ZBTB20: variants seen among roughly 807,000 people sequenced by gnomAD.
ZBTB20 encodes the protein zinc finger and BTB domain containing 20.
ZBTB20 carries 9 observed loss-of-function variants against 56.9 expected under a neutral mutation model. That is an observed-to-expected ratio of 0.16 (90% CI 0.10 to 0.28). The LOEUF is 0.28. Among genes scored for constraint, ZBTB20 ranks in the 10% least tolerant of loss-of-function variants. The probability of loss-of-function intolerance (pLI) is 1.00; values close to 1 mark genes in which losing one functional copy is unlikely to be tolerated. For missense variants in ZBTB20, 655 were observed against 1,003.0 expected, an observed-to-expected ratio of 0.65 and a Z score of 4.69; for synonymous variants, 417 against 420.7, an observed-to-expected ratio of 0.99 and a Z score of 0.11.
intron 8 of ZBTB20, among the ~76,000 whole-genome samples, chr3:114,385,223 G>A (rs781191330): frequency 7.2e-5 from 11 of 152,188 alleles, no homozygotes; most frequent in East Asian, 3.9e-4. Context: ...TACTGGAGTC[G>A]TAACAATTTC....
chr3:115,085,063 A>T (rs1312201894), intron 1 of ZBTB20, among the ~76,000 whole-genome samples: 1 of 152,008 alleles, frequency 6.6e-6, no homozygotes, highest in Non-Finnish European at 1.5e-5. Context: ...TTTCCAAAAA[A>T]AGATATTCAT....
chr3:114,516,846 C>T (rs1479997108), intron 6 of ZBTB20, among the ~76,000 whole-genome samples: 3 of 152,170 alleles, frequency 2.0e-5, no homozygotes, highest in East Asian at 1.9e-4. Flanking sequence ...AACTCACAGC[C>T]TTAGAAGGAG....
chr3:114,393,724 C>T (rs934955037), intron 7 of ZBTB20, among the ~76,000 whole-genome samples: 6 of 152,274 alleles, frequency 3.9e-5, no homozygotes, highest in African/African-American at 1.4e-4. Context: ...TTTTGAGGGG[C>T]TGCTGATGCC....
At chr3:115,081,661 C>G (rs1182734019) in intron 1 of ZBTB20, among the ~76,000 whole-genome samples, 1 of 152,100 alleles carries the variant, frequency 6.6e-6, no homozygotes, top group African/African-American at 2.4e-5. Flanking sequence ...TGGTGTCCAG[C>G]TGGATTTAAG....
At chr3:115,040,801 T>C (rs1485970709) in intron 2 of ZBTB20, among the ~76,000 whole-genome samples, 1 of 152,150 alleles carries the variant, frequency 6.6e-6, no homozygotes, top group African/African-American at 2.4e-5. Flanking sequence ...AATACTAGTT[T>C]TTGCCTTGAA....
At chr3:114,374,422 T>C (rs1243232243) in intron 10 of ZBTB20, among the ~76,000 whole-genome samples, 19 of 152,232 alleles carry the variant, frequency 1.2e-4, no homozygotes, top group Admixed American at 1.2e-3. Context: ...GGATAGTAAC[T>C]GTCTGTGGTT....
At chr3:114,729,665 A>G (rs1186519321) in intron 5 of ZBTB20, among the ~76,000 whole-genome samples, 1 of 152,200 alleles carries the variant, frequency 6.6e-6, no homozygotes, top group Admixed American at 6.5e-5. Flanking sequence ...TTAGTGCAAT[A>G]ATATTAAATT....
chr3:115,013,926 G>T (rs2079832319), intron 2 of ZBTB20, among the ~76,000 whole-genome samples: 1 of 151,514 alleles, frequency 6.6e-6, no homozygotes, highest in African/African-American at 2.4e-5. Flanking sequence ...GTGTGTGTGT[G>T]TGTGTGTACA....
intron 7 of ZBTB20, among the ~76,000 whole-genome samples, chr3:114,490,100 G>A (rs963472301): frequency 3.6e-5 from 5 of 137,366 alleles, no homozygotes; most frequent in Middle Eastern, 3.8e-3. Context: ...ATCACCATTA[G>A]GGATGGAGGA....
chr3:114,817,230 C>T (rs1253253792), intron 4 of ZBTB20, among the ~76,000 whole-genome samples: 1 of 136,774 alleles, frequency 7.3e-6, no homozygotes, highest in East Asian at 2.3e-4. Flanking sequence ...CACACACACA[C>T]ATAATAAATT....
chr3:114,976,626 CA>C (rs759709889), intron 2 of ZBTB20, among the ~76,000 whole-genome samples: 1,810 of 105,460 alleles, frequency 0.017, 21 homozygotes, highest in African/African-American at 0.042. Flanking sequence ...AACTCCGCCT[CA>C]AAAAAAAAAA....
intron 3 of ZBTB20, among the ~76,000 whole-genome samples, chr3:114,966,880 C>T (rs1364016452): frequency 6.6e-6 from 1 of 151,920 alleles, no homozygotes; most frequent in East Asian, 1.9e-4. Flanking sequence ...CTCAAACATA[C>T]TGGGAAAACA....
At chr3:114,583,406 C>A (rs1418050286) in intron 6 of ZBTB20, among the ~76,000 whole-genome samples, 3 of 152,102 alleles carry the variant, frequency 2.0e-5, no homozygotes, top group African/African-American at 7.2e-5. Context: ...AAAATAAACA[C>A]AAACATTGAT....
intron 7 of ZBTB20, among the ~76,000 whole-genome samples, chr3:114,404,568 T>C (rs2087125414): frequency 6.6e-6 from 1 of 152,144 alleles, no homozygotes; most frequent in African/African-American, 2.4e-5. Context: ...TCATATGTTA[T>C]TGTCTTTCAT....
At chr3:114,909,227 G>A (rs1182266767) in intron 3 of ZBTB20, among the ~76,000 whole-genome samples, 1 of 151,468 alleles carries the variant, frequency 6.6e-6, no homozygotes, top group African/African-American at 2.4e-5. Flanking sequence ...GTGTAGACCT[G>A]GCTAATGTGT....
intron 6 of ZBTB20, among the ~76,000 whole-genome samples, chr3:114,578,879 G>A (rs978667555): frequency 1.3e-5 from 2 of 151,582 alleles, no homozygotes; most frequent in African/African-American, 2.4e-5. Context: ...AAAAATATTA[G>A]TAAATATAAT....
chr3:114,699,110 G>A (rs1234338073), intron 5 of ZBTB20, among the ~76,000 whole-genome samples: 1 of 152,038 alleles, frequency 6.6e-6, no homozygotes, highest in Non-Finnish European at 1.5e-5. Context: ...CATTTTATTA[G>A]GAAAAAGCTT....
intron 6 of ZBTB20, among the ~76,000 whole-genome samples, chr3:114,561,297 T>C (rs1478511592): frequency 6.6e-6 from 1 of 152,226 alleles, no homozygotes; most frequent in African/African-American, 2.4e-5. Flanking sequence ...GTCCCATGAA[T>C]CACAAATGTT....
At chr3:114,688,533 T>A (rs1379317575) in intron 6 of ZBTB20, among the ~76,000 whole-genome samples, 1 of 152,096 alleles carries the variant, frequency 6.6e-6, no homozygotes, top group African/African-American at 2.4e-5. Context: ...TAATCAGACA[T>A]GAGAAAATGA....
Sources: gnomAD v4.1 joint callset for allele counts (sites outside exome capture counted in the v4.1 genomes callset) on GRCh38, gnomAD v4.1.1 for gene constraint, MANE v1.5 for transcripts, NCBI Gene and HGNC (gene_info 2026-07-23, HGNC 2026-07-21) for gene names.